Variants in PPP2R3A observed in about 807,000 individuals in gnomAD.
PPP2R3A encodes serine/threonine-protein phosphatase 2A regulatory subunit B'' subunit alpha.
A neutral mutation model predicts 106.9 loss-of-function variants in PPP2R3A; 80 were observed. The observed-to-expected ratio is 0.75, with a 90% CI of 0.62 to 0.90. The LOEUF (loss-of-function observed/expected upper bound fraction) is 0.90. Among genes scored for constraint, PPP2R3A ranks in the 40% least tolerant of loss-of-function variants. The pLI is 0.00. For missense variants in PPP2R3A, 1,386 were observed against 1,350.4 expected (o/e 1.03, Z -0.41); for synonymous variants, 483 against 468.3 (o/e 1.03, Z -0.41).
chr3:136,063,933 T>C (rs998749703), intron 5 of PPP2R3A, among the ~76,000 whole-genome samples: 4 of 149,930 alleles, frequency 2.7e-5, no homozygotes, highest in East Asian at 1.9e-4. Context: ...ACCCAAAGGA[T>C]TATAAATCAT....
chr3:136,055,630 C>A, intron 5 of PPP2R3A: 5 of 1,350,288 alleles, frequency 3.7e-6, no homozygotes, highest in Non-Finnish European at 5.3e-6. Flanking sequence ...CACCTGCCTG[C>A]CAATGGACAA....
Position 136,074,626 on chromosome 3 carries a change from T to A in PPP2R3A, c.2545-3741T>A, listed in dbSNP as rs192164247. On this transcript the variant is annotated intron_variant, in intron 6 of 13. Transcript: ENST00000264977. ...AATAAGCGATGAGATTTAAAATACT[T>A]CTTTATGACACTGGTGCTGGCAGTA... is the stretch of plus-strand genomic sequence containing the variant. Among the ~76,000 whole-genome samples, 4 of 152,356 alleles carry A rather than the reference T, an allele frequency of 2.6e-5. No homozygotes were observed. The East Asian group carries it at 7.7e-4, about 29-fold the overall frequency.
At chr3:136,022,934 C>T (rs1934515139) in intron 2 of PPP2R3A, 1 of 1,483,924 alleles carries the variant, frequency 6.7e-7, no homozygotes, top group Non-Finnish European at 8.9e-7. Flanking sequence ...TGGGAGAGCA[C>T]AATGCTTGAA....
intron 4 of PPP2R3A, 60 bp downstream of exon 4, chr3:136,041,022 G>A: frequency 1.4e-6 from 2 of 1,399,694 alleles, no homozygotes; most frequent in Admixed American, 2.0e-5. Context: ...CTCATGACAT[G>A]CTTTCTAAAG....
rs575603056 is a variant in PPP2R3A, at chr3:135,978,895, A to T, written c.-441+13046A>T. Among the ~76,000 whole-genome samples, 160 of 151,982 alleles carry T rather than the reference A, an allele frequency of 1.1e-3. 4 individuals carry two copies. Among genetic ancestry groups the T allele is most frequent in the African/African-American group, 3.7e-3 (152 of 41,252 alleles). Reference sequence around the variant, plus strand: ...TGACAAAATAGTTCATCTACTCTGAATGGAAGTTAAAATTTTTCCTTAAAT... The same window carrying T: ...TGACAAAATAGTTCATCTACTCTGATTGGAAGTTAAAATTTTTCCTTAAAT... On this transcript the variant is annotated intron_variant, in intron 1 of 13. Coordinates refer to ENST00000264977, the MANE Select transcript of PPP2R3A (RefSeq NM_002718.5).
At chr3:136,060,899 C>A (rs1936054149) in intron 5 of PPP2R3A, among the ~76,000 whole-genome samples, 1 of 152,118 alleles carries the variant, frequency 6.6e-6, no homozygotes, top group African/African-American at 2.4e-5. Flanking sequence ...TGTGTTTTCA[C>A]TACAAAATAA....
At chr3:136,089,187 G>T (rs1937031602) in intron 9 of PPP2R3A, among the ~76,000 whole-genome samples, 1 of 152,014 alleles carries the variant, frequency 6.6e-6, no homozygotes, top group Non-Finnish European at 1.5e-5. Context: ...TATTTCCTAG[G>T]GTTTTTTCTA....
chr3:136,072,380 C>T (rs1936465662), intron 6 of PPP2R3A, among the ~76,000 whole-genome samples: 1 of 152,042 alleles, frequency 6.6e-6, no homozygotes, highest in Non-Finnish European at 1.5e-5. Context: ...TTACTTGAGG[C>T]GAGACATTCA....
chr3:136,013,182 GTATGTATGTATGTATGTA>G (rs1435957942), intron 2 of PPP2R3A, among the ~76,000 whole-genome samples: 14 of 121,590 alleles, frequency 1.2e-4, no homozygotes, highest in African/African-American at 1.7e-4. Context: ...GTGTGTGTGT[GTATGTATGTATGTATGTA>G]TGTATGTATG....
At chr3:136,077,361 A>G (rs962972194) in intron 6 of PPP2R3A, among the ~76,000 whole-genome samples, 1 of 152,206 alleles carries the variant, frequency 6.6e-6, no homozygotes, top group African/African-American at 2.4e-5. Flanking sequence ...ATTGAGAAAG[A>G]TGTCCAAATA....
At chr3:136,007,670 T>C (rs1240717439) in intron 2 of PPP2R3A, among the ~76,000 whole-genome samples, 1 of 152,222 alleles carries the variant, frequency 6.6e-6, no homozygotes, top group Admixed American at 6.5e-5. Flanking sequence ...TCACCATTGT[T>C]CCCACAGGCT....
intron 5 of PPP2R3A, among the ~76,000 whole-genome samples, chr3:136,063,376 A>T (rs1237635712): frequency 1.3e-5 from 2 of 152,214 alleles, no homozygotes; most frequent in Admixed American, 6.5e-5. Flanking sequence ...GGACTTCATG[A>T]TTAAAACACC....
intron 6 of PPP2R3A, among the ~76,000 whole-genome samples, chr3:136,071,653 G>A (rs1936433161): frequency 6.6e-6 from 1 of 152,064 alleles, no homozygotes; most frequent in Non-Finnish European, 1.5e-5. Flanking sequence ...TAAAAAATCA[G>A]CCAGATCATG....
At chr3:136,017,302 T>A (rs1934312077) in intron 2 of PPP2R3A, among the ~76,000 whole-genome samples, 1 of 152,208 alleles carries the variant, frequency 6.6e-6, no homozygotes, top group Non-Finnish European at 1.5e-5. Flanking sequence ...TAGGCGATGA[T>A]CTTTTTGCAA....
intron 5 of PPP2R3A, among the ~76,000 whole-genome samples, chr3:136,059,119 G>A (rs1001314560): frequency 1.3e-4 from 20 of 151,594 alleles, no homozygotes; most frequent in South Asian, 6.3e-4. Context: ...CAATTGTAAC[G>A]GGCAAAAATT....
intron 6 of PPP2R3A, among the ~76,000 whole-genome samples, chr3:136,071,586 T>C (rs1026101337): frequency 5.9e-5 from 9 of 152,240 alleles, no homozygotes; most frequent in Admixed American, 6.5e-5. Context: ...TTGGTCTCCC[T>C]GTTACCACTC....
At chr3:135,967,192 G>C (rs1247604997) in intron 1 of PPP2R3A, among the ~76,000 whole-genome samples, 1 of 152,092 alleles carries the variant, frequency 6.6e-6, no homozygotes, top group Non-Finnish European at 1.5e-5. Flanking sequence ...AAAAAACTTA[G>C]ATCTTTTATA....
intron 2 of PPP2R3A, among the ~76,000 whole-genome samples, chr3:136,009,446 C>T (rs1321698707): frequency 1.3e-5 from 2 of 152,106 alleles, no homozygotes; most frequent in African/African-American, 2.4e-5. Context: ...TTCAATATTA[C>T]TCTTGCCACT....
chr3:136,050,951 G>C (rs1367232105), intron 5 of PPP2R3A, among the ~76,000 whole-genome samples: 1 of 152,160 alleles, frequency 6.6e-6, no homozygotes, highest in African/African-American at 2.4e-5. Context: ...ATTTGGCCTA[G>C]TTGACCTTTG....
Sources: allele counts gnomAD v4.1 joint callset (sites outside exome capture counted in the v4.1 genomes callset), GRCh38; gene constraint gnomAD v4.1.1; transcripts MANE v1.5; gene names NCBI Gene and HGNC (gene_info 2026-07-23, HGNC 2026-07-21).